NXPH1: variants seen among roughly 807,000 people sequenced by gnomAD.
The protein encoded by NXPH1 is neurexophilin 1.
A neutral mutation model predicts 23.7 loss-of-function variants in NXPH1; 5 were observed. The ratio of observed to expected loss-of-function variants is 0.21; its 90% confidence interval spans 0.11 to 0.44. The LOEUF (loss-of-function observed/expected upper bound fraction) is 0.44. NXPH1 is among the 20% of genes least tolerant of loss of function. NXPH1 has a pLI of 0.99. For synonymous variants in NXPH1, 144 were observed against 122.2 expected (o/e 1.18, Z -1.18); for missense variants, 324 against 321.6 (o/e 1.01, Z -0.06).
intron 2 of NXPH1, among the ~76,000 whole-genome samples, chr7:8,674,243 A>T (rs897520142): frequency 6.6e-6 from 1 of 151,996 alleles, no homozygotes; most frequent in Non-Finnish European, 1.5e-5. Context: ...TGCAAGGCAG[A>T]TATTAATAGT....
intron 2 of NXPH1, among the ~76,000 whole-genome samples, chr7:8,488,634 G>A (rs115056811): frequency 0.017 from 2,585 of 152,070 alleles, 78 homozygotes; most frequent in African/African-American, 0.058. Flanking sequence ...AAGGCTAATC[G>A]AGGACTTGCC....
At position 8,660,814 on chromosome 7, in the gene NXPH1, C is replaced by A. The variant is rs1039623475; in HGVS notation, c.55-90194C>A. Among the ~76,000 whole-genome samples, 8 of 152,148 alleles carry A rather than the reference C, an allele frequency of 5.3e-5. No individual in the cohort carries two copies. The East Asian group carries it at 9.6e-4, about 18-fold the overall frequency. On this transcript the variant is annotated intron_variant, in intron 2 of 2. Coordinates refer to ENST00000405863, the MANE Select transcript of NXPH1 (RefSeq NM_152745.3). ...GTACAAGAACAAGTTTAAGGTTACT[C>A]TAGAAGGTTAAACATTTGATTTTTA...
chr7:8,477,063 T>C (rs1428717623), intron 2 of NXPH1, among the ~76,000 whole-genome samples: 1 of 152,170 alleles, frequency 6.6e-6, no homozygotes, highest in Non-Finnish European at 1.5e-5. Context: ...TGTTAAGCAG[T>C]ACCCAAAAAT....
intron 2 of NXPH1, among the ~76,000 whole-genome samples, chr7:8,623,753 G>A (rs948588374): frequency 3.1e-5 from 4 of 130,236 alleles, no homozygotes; most frequent in African/African-American, 9.9e-5. Context: ...CAAAATATAT[G>A]TATATGCATA....
chr7:8,617,689 G>A (rs1454128976), intron 2 of NXPH1, among the ~76,000 whole-genome samples: 1 of 151,864 alleles, frequency 6.6e-6, no homozygotes, highest in Non-Finnish European at 1.5e-5. Context: ...ACATAGCAGA[G>A]GTACAAAAAA....
chr7:8,487,435 T>G (rs974587878), intron 2 of NXPH1, among the ~76,000 whole-genome samples: 1 of 152,156 alleles, frequency 6.6e-6, no homozygotes, highest in Non-Finnish European at 1.5e-5. Context: ...TCTTCCTTGA[T>G]TGTGAGGCCT....
At chr7:8,473,134 C>T (rs570837440) in intron 2 of NXPH1, among the ~76,000 whole-genome samples, 3 of 152,270 alleles carry the variant, frequency 2.0e-5, no homozygotes, top group Non-Finnish European at 2.9e-5. Context: ...ATCTTTCTTA[C>T]CATTTTCGTA....
intron 2 of NXPH1, among the ~76,000 whole-genome samples, chr7:8,454,606 C>T (rs964403134): frequency 6.6e-6 from 1 of 152,116 alleles, no homozygotes; most frequent in Non-Finnish European, 1.5e-5. Flanking sequence ...CTCTTTCTGG[C>T]CCCCACCGTA....
At chr7:8,604,098 C>G (rs750712726) in intron 2 of NXPH1, among the ~76,000 whole-genome samples, 3 of 152,008 alleles carry the variant, frequency 2.0e-5, no homozygotes, top group Admixed American at 6.6e-5. Context: ...ATGGTTCTAT[C>G]CTTTCTTCTA....
chr7:8,741,990 C>T (rs1259344981), intron 2 of NXPH1, among the ~76,000 whole-genome samples: 1 of 152,086 alleles, frequency 6.6e-6, no homozygotes, highest in Non-Finnish European at 1.5e-5. Flanking sequence ...GAAAAAGAGT[C>T]TAACACATCT....
chr7:8,442,016 G>A lies in NXPH1; in HGVS notation c.54+6249G>A, dbSNP rs13239631. ...CTTAGGCGTCTAGTCAGGGGTTCGG[G>A]GTGGTGGAAAGCGAGATGGCGTTGG... is the stretch of plus-strand genomic sequence containing the variant. On this transcript the variant is annotated intron_variant, in intron 2 of 2. Coordinates refer to ENST00000405863, the MANE Select transcript of NXPH1 (RefSeq NM_152745.3). The surrounding 1 kb of genome is among the most constrained non-coding windows in gnomAD (Gnocchi z 4.6). 0.64 allele frequency among the ~76,000 whole-genome samples: 97,182 copies of A among 151,906 alleles called. 35,721 individuals carry two copies. Among genetic ancestry groups the A allele is most frequent in the East Asian group, 0.89 (4,569 of 5,144 alleles).
At chr7:8,747,611 G>T (rs1780493234) in intron 2 of NXPH1, among the ~76,000 whole-genome samples, 1 of 152,300 alleles carries the variant, frequency 6.6e-6, no homozygotes, top group South Asian at 2.1e-4. Context: ...CAAACAATGG[G>T]AAACTGTCTA....
At chr7:8,691,431 G>A (rs921874978) in intron 2 of NXPH1, among the ~76,000 whole-genome samples, 27 of 152,174 alleles carry the variant, frequency 1.8e-4, no homozygotes, top group Non-Finnish European at 3.7e-4. Context: ...TCATAGGCGT[G>A]AGCCATTGTA....
intron 2 of NXPH1, among the ~76,000 whole-genome samples, chr7:8,672,144 G>T (rs1820878529): frequency 6.6e-6 from 1 of 152,138 alleles, no homozygotes; most frequent in African/African-American, 2.4e-5. Context: ...ATACTATGCA[G>T]CCATAAAAAA....
chr7:8,456,394 T>C (rs1054344183), intron 2 of NXPH1, among the ~76,000 whole-genome samples: 2 of 152,230 alleles, frequency 1.3e-5, no homozygotes, highest in Non-Finnish European at 2.9e-5. Flanking sequence ...ATTTCAGCAA[T>C]TTTACAATAT....
chr7:8,612,214 TTTTC>T (rs914907828), intron 2 of NXPH1, among the ~76,000 whole-genome samples: 15 of 151,724 alleles, frequency 9.9e-5, no homozygotes, highest in Admixed American at 7.9e-4. Context: ...CCCTCTTTCT[TTTTC>T]TTTCTTTTTT....
chr7:8,461,656 C>A (rs1158456363), intron 2 of NXPH1, among the ~76,000 whole-genome samples: 1 of 149,366 alleles, frequency 6.7e-6, no homozygotes, highest in Non-Finnish European at 1.5e-5. Flanking sequence ...AGGTGAAACC[C>A]CGTCTCTACT....
chr7:8,526,091 C>G (rs1158923504), intron 2 of NXPH1, among the ~76,000 whole-genome samples: 1 of 152,180 alleles, frequency 6.6e-6, no homozygotes, highest in Non-Finnish European at 1.5e-5. Context: ...GAGGCTGTAT[C>G]CTGCAAAGCC....
intron 2 of NXPH1, among the ~76,000 whole-genome samples, chr7:8,684,467 T>A (rs368864419): frequency 4.0e-4 from 61 of 152,310 alleles, no homozygotes; most frequent in African/African-American, 1.4e-3. Context: ...TCCTTCAGTA[T>A]GTTTTAAGAT....
Sources: gnomAD v4.1 joint callset for allele counts (sites outside exome capture counted in the v4.1 genomes callset) on GRCh38, gnomAD v4.1.1 for gene constraint, Gnocchi (gnomAD v3.1) non-coding constraint, MANE v1.5 for transcripts, NCBI Gene and HGNC (gene_info 2026-07-23, HGNC 2026-07-21) for gene names.